Variants in SCEL observed in about 807,000 individuals in gnomAD.
SCEL encodes sciellin.
A neutral mutation model predicts 117.6 loss-of-function variants in SCEL; 113 were observed. The observed-to-expected ratio is 0.96, with a 90% confidence interval of 0.83 to 1.12. The LOEUF is 1.12. Ranked by LOEUF, SCEL falls within the 50% of genes most tolerant of loss-of-function variation. The pLI is 0.00. For synonymous variants in SCEL, 270 were observed against 256.2 expected, an observed-to-expected ratio of 1.05 and a Z score of -0.51; for missense variants, 785 against 810.8, an observed-to-expected ratio of 0.97 and a Z score of 0.39.
chr13:77,610,139 CT>C (rs558936912), intron 22 of SCEL, 33 bp downstream of exon 22: 488 of 1,442,618 alleles, frequency 3.4e-4, no homozygotes, highest in South Asian at 1.2e-3. Context: ...TTTCTCCCCC[CT>C]TTTTTTTTCC....
chr13:77,602,927 T>C (rs1186015101), intron 17 of SCEL, 149 bp from the exon 18 acceptor site: 3 of 628,868 alleles, frequency 4.8e-6, no homozygotes, highest in African/African-American at 3.7e-5. Context: ...ACTATGTTAT[T>C]GATTGGCAAT....
At chr13:77,620,499 G>A (rs2154404175) in intron 27 of SCEL, among the ~76,000 whole-genome samples, 1 of 152,250 alleles carries the variant, frequency 6.6e-6, no homozygotes, top group Admixed American at 6.5e-5. Context: ...ACAGTTAGGG[G>A]CTGAACAAAC....
At chr13:77,609,491 A>G (rs2088478788) in intron 21 of SCEL, among the ~76,000 whole-genome samples, 1 of 152,174 alleles carries the variant, frequency 6.6e-6, no homozygotes, top group South Asian at 2.1e-4. Flanking sequence ...TGCTCAAACT[A>G]GTCACTTCTG....
chr13:77,590,113 A>T (rs1297374841), intron 10 of SCEL, among the ~76,000 whole-genome samples: 1 of 152,104 alleles, frequency 6.6e-6, no homozygotes, highest in Non-Finnish European at 1.5e-5. Flanking sequence ...ACTATTCTTT[A>T]ATAAGACACA....
At chr13:77,619,496 CTCT>C (rs1345746446) in intron 27 of SCEL, among the ~76,000 whole-genome samples, 6 of 152,208 alleles carry the variant, frequency 3.9e-5, no homozygotes, top group Non-Finnish European at 5.9e-5. Flanking sequence ...AGCTCAGACT[CTCT>C]TCTTCTTTCC....
chr13:77,587,233 C>T (rs2086615502), intron 9 of SCEL, among the ~76,000 whole-genome samples: 1 of 151,956 alleles, frequency 6.6e-6, no homozygotes, highest in South Asian at 2.1e-4. Flanking sequence ...TCATCTAGTT[C>T]TTTCCCTCTT....
At chr13:77,593,276 GTGTGTGTGTGTGTGTGTGTGTC>G (rs967648173) in intron 11 of SCEL, among the ~76,000 whole-genome samples, 11 of 108,808 alleles carry the variant, frequency 1.0e-4, no homozygotes, top group Non-Finnish European at 5.3e-5. Flanking sequence ...GTGTGTGTGT[GTGTGTGTGTGTGTGTGTGTGTC>G]TGTGTGTGTG....
At chr13:77,536,650 C>A (rs775293911) in intron 1 of SCEL, among the ~76,000 whole-genome samples, 5 of 152,176 alleles carry the variant, frequency 3.3e-5, no homozygotes, top group Non-Finnish European at 5.9e-5. Flanking sequence ...AATAGCTAAG[C>A]TGACTTGTGT....
At chr13:77,636,394 T>C (rs986156803) in intron 29 of SCEL, among the ~76,000 whole-genome samples, 4 of 152,204 alleles carry the variant, frequency 2.6e-5, no homozygotes, top group Admixed American at 2.6e-4. Context: ...GAGAGAAAGA[T>C]AGGTTTCTCA....
chr13:77,603,752 C>T (rs981369897), intron 18 of SCEL, among the ~76,000 whole-genome samples: 32 of 152,152 alleles, frequency 2.1e-4, no homozygotes, highest in African/African-American at 7.5e-4. Context: ...TTTTCTACTA[C>T]GTGAGCTGTT....
At chr13:77,548,700 T>C (rs964693634) in intron 1 of SCEL, among the ~76,000 whole-genome samples, 22 of 152,196 alleles carry the variant, frequency 1.4e-4, no homozygotes, top group African/African-American at 5.3e-4. Context: ...GTTCTCAAGA[T>C]AGTGAATAAA....
At chr13:77,558,110 T>C (rs1041647557) in intron 3 of SCEL, among the ~76,000 whole-genome samples, 1 of 152,214 alleles carries the variant, frequency 6.6e-6, no homozygotes, top group African/African-American at 2.4e-5. Context: ...TCATGTGACA[T>C]GTAGACCATA....
intron 9 of SCEL, among the ~76,000 whole-genome samples, chr13:77,578,734 GGA>G (rs1364385264): frequency 6.6e-6 from 1 of 152,170 alleles, no homozygotes; most frequent in South Asian, 2.1e-4. Context: ...AGCAGAATAG[GGA>G]GTACCTAATT....
chr13:77,620,913 CCTAA>C (rs1435539086), intron 27 of SCEL, among the ~76,000 whole-genome samples: 19 of 152,158 alleles, frequency 1.2e-4, no homozygotes, highest in Non-Finnish European at 2.9e-5. Context: ...AGAGTTCCTT[CCTAA>C]CTATCTATTG....
At chr13:77,561,960 T>C (rs992864393) in intron 4 of SCEL, among the ~76,000 whole-genome samples, 3 of 151,890 alleles carry the variant, frequency 2.0e-5, no homozygotes, top group African/African-American at 7.3e-5. Context: ...TAAAGGAAAA[T>C]AAATAATACA....
At chr13:77,643,292 T>C (rs1050165428) in intron 32 of SCEL, among the ~76,000 whole-genome samples, 3 of 152,168 alleles carry the variant, frequency 2.0e-5, no homozygotes, top group African/African-American at 7.2e-5. Flanking sequence ...CTAACATCAA[T>C]GTTACCATAA....
In SCEL at chr13:77,599,671, A is replaced by G; in HGVS notation, c.858-18A>G. ...TTTCAGTATGCAGCCTTTTATGTGA[A>G]TTTCTTTGTGTTTTCAGAGCCAAAA... On this transcript the variant is annotated intron_variant, in intron 14 of 32. Transcript: ENST00000349847. 1 of 1,587,470 alleles carries G rather than the reference A, an allele frequency of 6.3e-7. No individual in the cohort carries two copies. Among genetic ancestry groups the G allele is most frequent in the Non-Finnish European group, 8.7e-7 (1 of 1,155,754 alleles).
Position 77,590,069 on chromosome 13 carries a change from AT to A in SCEL, c.626+852del, listed in dbSNP as rs574098494. ...TTTGTATTTTTGCTCTTCGATGGTG[AT>A]TTTTTTGACACCACGTAAGACACAA... On this transcript the variant is annotated intron_variant, in intron 10 of 32. Transcript: ENST00000349847. 1.1e-4 allele frequency among the ~76,000 whole-genome samples: 17 copies of A among 152,100 alleles called. No individual in the cohort carries two copies. In the East Asian group the frequency reaches 2.5e-3, roughly 22 times the overall value.
intron 10 of SCEL, among the ~76,000 whole-genome samples, chr13:77,590,118 GAC>G (rs2086786685): frequency 6.6e-6 from 1 of 151,986 alleles, no homozygotes; most frequent in African/African-American, 2.4e-5. Flanking sequence ...TCTTTAATAA[GAC>G]ACAACCATAG....
Sources: gnomAD v4.1 joint callset for allele counts (sites outside exome capture counted in the v4.1 genomes callset) on GRCh38, gnomAD v4.1.1 for gene constraint, MANE v1.5 for transcripts, NCBI Gene and HGNC (gene_info 2026-07-23, HGNC 2026-07-21) for gene names.